Variants in FGF13 observed in about 807,000 individuals in gnomAD.
FGF13 encodes the protein fibroblast growth factor homologous factor 2.
In FGF13, 2 loss-of-function variants were observed where a neutral mutation model predicts 19.5. The observed-to-expected ratio is 0.10, with a 90% CI of 0.04 to 0.32. The LOEUF (loss-of-function observed/expected upper bound fraction) is 0.32, where lower values mean the gene tolerates loss of function less well. Ranked by LOEUF, FGF13 falls within the 10% of genes least tolerant of loss-of-function variation. The probability of loss-of-function intolerance (pLI) is 1.00; values close to 1 mark genes in which losing one functional copy is unlikely to be tolerated. For missense variants in FGF13, 113 were observed against 192.7 expected, an observed-to-expected ratio of 0.59 and a Z score of 2.45; for synonymous variants, 72 against 76.9, an observed-to-expected ratio of 0.94 and a Z score of 0.33.
downstream of FGF13, among the ~76,000 whole-genome samples, chrX:138,853,608 TGTGTGC>T (rs1280574050): frequency 1.1e-5 from 1 of 87,603 alleles, no homozygotes; most frequent in Non-Finnish European, 2.3e-5. Context: ...AATGTGTGTG[TGTGTGC>T]GTGTGCGTGT....
At chrX:138,820,986 T>A (rs767838650) in intron 3 of FGF13, among the ~76,000 whole-genome samples, 9 of 111,419 alleles carry the variant, frequency 8.1e-5, no homozygotes, top group Non-Finnish European at 1.7e-4. Context: ...AAATTGGGCA[T>A]TGCATTTCAC....
chrX:138,877,273 T>A (rs1177050690), intron 1 of FGF13, among the ~76,000 whole-genome samples: 1 of 111,274 alleles, frequency 9.0e-6, no homozygotes, highest in African/African-American at 3.3e-5. Context: ...GAAAAAAGCC[T>A]CCTTTTAATG....
At chrX:138,638,246 T>A (rs1455455685) in intron 3 of FGF13, among the ~76,000 whole-genome samples, 1 of 111,865 alleles carries the variant, frequency 8.9e-6, no homozygotes, top group Non-Finnish European at 1.9e-5. Context: ...ATTTAAAAAT[T>A]CTCCACAATT....
At chrX:139,115,330 C>T (rs1317825858) in intron 1 of FGF13, among the ~76,000 whole-genome samples, 1 of 112,383 alleles carries the variant, frequency 8.9e-6, no homozygotes, top group Non-Finnish European at 1.9e-5. Flanking sequence ...ATCTGGCTAA[C>T]AGATAGCATG....
At chrX:139,068,042 A>T (rs2092362944) in intron 1 of FGF13, among the ~76,000 whole-genome samples, 1 of 100,734 alleles carries the variant, frequency 9.9e-6, no homozygotes, top group East Asian at 3.0e-4. Context: ...TTGGTGTTTT[A>T]GACATGAAGT....
At chrX:139,123,596 C>A (rs959383260) in intron 1 of FGF13, among the ~76,000 whole-genome samples, 1 of 112,146 alleles carries the variant, frequency 8.9e-6, no homozygotes, top group Non-Finnish European at 1.9e-5. Context: ...CTATTCCCTT[C>A]TTTTTTTCTT....
chrX:138,667,270 T>TAG (rs1227522010), intron 3 of FGF13, among the ~76,000 whole-genome samples: 6 of 107,107 alleles, frequency 5.6e-5, no homozygotes, highest in Non-Finnish European at 7.7e-5. Flanking sequence ...TATGTATATA[T>TAG]ATAGAGAGAG....
chrX:139,126,413 T>C (rs1280685992), intron 1 of FGF13, among the ~76,000 whole-genome samples: 1 of 111,301 alleles, frequency 9.0e-6, no homozygotes, highest in African/African-American at 3.3e-5. Context: ...ACTCAGTTCC[T>C]GCCCCTATCA....
chrX:138,802,871 A>T (rs2124001287), intron 3 of FGF13, among the ~76,000 whole-genome samples: 1 of 111,760 alleles, frequency 8.9e-6, no homozygotes, highest in South Asian at 3.8e-4. Context: ...TCAATTGCAG[A>T]ATGCCATGTT....
chrX:139,167,692 A>G (rs1390642903), intron 1 of FGF13, among the ~76,000 whole-genome samples: 1 of 112,311 alleles, frequency 8.9e-6, no homozygotes, highest in East Asian at 2.8e-4. Context: ...CACATAAGTG[A>G]TAACTGCACT....
chrX:138,628,269 A>C lies in FGF13; in HGVS notation c.*4581T>G, dbSNP rs1044294742. ...AAGTTATGAAAAGCTGTCTTTGTAAATATGGTTAAGAATTTGAAGGGTACT... is the reference window on the plus strand; with the variant it reads ...AAGTTATGAAAAGCTGTCTTTGTAACTATGGTTAAGAATTTGAAGGGTACT... On this transcript the variant is annotated 3_prime_UTR_variant, in exon 5 of 5. Coordinates refer to ENST00000315930, the MANE Select transcript of FGF13 (RefSeq NM_004114.5). 8.9e-6 allele frequency: 1 copy of C among 112,155 alleles called. No individual in the cohort carries two copies. Among genetic ancestry groups the C allele is most frequent in the Non-Finnish European group, 1.9e-5 (1 of 53,257 alleles). The allele number at this position is 112,155 out of a possible 1,213,427, so 9.2% of individuals were successfully genotyped here.
chrX:138,617,580 T>C lies in FGF13; in HGVS notation c.*15270A>G, dbSNP rs959096131. ...GTAAAAGAACCAAGGATCATCATGG[T>C]AAAGAGAATGAACATGAGGTGTGTG... On this transcript the variant is annotated 3_prime_UTR_variant, in exon 5 of 5. Coordinates refer to ENST00000315930, the MANE Select transcript of FGF13 (RefSeq NM_004114.5). 9.0e-6 allele frequency: 1 copy of C among 111,281 alleles called. No individual in the cohort carries two copies. The highest frequency in any genetic ancestry group is 9.7e-5 in the Admixed American group (1 of 10,339). The allele number at this position is 111,281 out of a possible 1,213,427, so 9.2% of individuals were successfully genotyped here. A position where few individuals can be genotyped will look rare whatever the true frequency, so the allele number is the denominator to read the frequency against.
chrX:139,123,530 G>A (rs772417776), intron 1 of FGF13, among the ~76,000 whole-genome samples: 1 of 112,189 alleles, frequency 8.9e-6, no homozygotes, highest in Admixed American at 9.5e-5. Flanking sequence ...CTAGGTCTCA[G>A]TTTAAATGTC....
chrX:139,046,206 A>T (rs961480728), intron 1 of FGF13, among the ~76,000 whole-genome samples: 6 of 111,227 alleles, frequency 5.4e-5, no homozygotes, highest in African/African-American at 2.0e-4. Flanking sequence ...GTCATGCGGC[A>T]AGAGCAGGAG....
chrX:139,110,357 G>A (rs1312262796), intron 1 of FGF13, among the ~76,000 whole-genome samples: 1 of 109,953 alleles, frequency 9.1e-6, no homozygotes, highest in Non-Finnish European at 1.9e-5. Flanking sequence ...ATTCCCACGT[G>A]TACTCCAATA....
At chrX:139,019,029 T>A (rs983145559) in intron 1 of FGF13, among the ~76,000 whole-genome samples, 1 of 111,507 alleles carries the variant, frequency 9.0e-6, no homozygotes, top group Non-Finnish European at 1.9e-5. Flanking sequence ...TTTCTGTCTC[T>A]ATAGATTTGC....
rs141812517 is a variant in FGF13 at position 138,630,894 on chromosome X, C to T, written c.*1956G>A. ...TAGCCTACTTTAAATGTGCTTAGAA[C>T]GCTTATATTAGCTTACAGTTGGACA... On this transcript the variant is annotated 3_prime_UTR_variant, in exon 5 of 5. Coordinates refer to ENST00000315930, the MANE Select transcript of FGF13 (RefSeq NM_004114.5). 2.7e-5 allele frequency: 3 copies of T among 112,002 alleles called. No homozygotes were observed. Among genetic ancestry groups the T allele is most frequent in the Non-Finnish European group, 3.8e-5 (2 of 53,215 alleles). 9.2% of individuals were successfully genotyped at this position (112,002 alleles called of 1,213,427 possible). A position where few individuals can be genotyped will look rare whatever the true frequency, so the allele number is the denominator to read the frequency against.
intron 1 of FGF13, among the ~76,000 whole-genome samples, chrX:139,125,431 T>C (rs1404910746): frequency 9.0e-6 from 1 of 111,681 alleles, no homozygotes; most frequent in Non-Finnish European, 1.9e-5. Context: ...ATGAAAACTA[T>C]TTTTTTTCTC....
intron 3 of FGF13, among the ~76,000 whole-genome samples, chrX:138,782,395 ATT>A (rs1467398985): frequency 9.0e-6 from 1 of 111,255 alleles, no homozygotes; most frequent in Non-Finnish European, 1.9e-5. Flanking sequence ...AGATGACATG[ATT>A]GTATATCTAG....
Sources: allele counts gnomAD v4.1 joint callset (sites outside exome capture counted in the v4.1 genomes callset), GRCh38; gene constraint gnomAD v4.1.1; transcripts MANE v1.5; gene names NCBI Gene and HGNC (gene_info 2026-07-23, HGNC 2026-07-21).